Variants in CNMD observed in about 807,000 individuals in gnomAD.
The protein encoded by CNMD is leukocyte cell-derived chemotaxin 1.
Under a neutral mutation model 37.5 loss-of-function variants are expected in CNMD, and 30 were observed. The observed-to-expected ratio is 0.80, with a 90% CI of 0.60 to 1.09. The LOEUF is 1.09. Ranked by LOEUF, CNMD falls within the 50% of genes least tolerant of loss-of-function variation. CNMD has a pLI of 0.00. For synonymous variants in CNMD, 167 were observed against 148.2 expected (o/e 1.13, Z -0.92); for missense variants, 398 against 423.9 (o/e 0.94, Z 0.54).
At chr13:52,726,521 AAAAC>A (rs1964576653) in intron 3 of CNMD, among the ~76,000 whole-genome samples, 1 of 152,092 alleles carries the variant, frequency 6.6e-6, no homozygotes, top group African/African-American at 2.4e-5. Flanking sequence ...AAAAAAAAAA[AAAAC>A]ATACAGAGAC....
chr13:52,727,750 ATC>A (rs1204614902), intron 3 of CNMD, among the ~76,000 whole-genome samples: 1 of 152,188 alleles, frequency 6.6e-6, no homozygotes, highest in South Asian at 2.1e-4. Context: ...AAAAAAGTTG[ATC>A]TCATGGAAGC....
At chr13:52,736,253 C>T (rs970135832) in intron 2 of CNMD, among the ~76,000 whole-genome samples, 5 of 152,216 alleles carry the variant, frequency 3.3e-5, no homozygotes, top group East Asian at 1.9e-4. Flanking sequence ...CTCGGCCTCC[C>T]GAAGTGCTGG....
At chr13:52,725,430 G>GT (rs1555279685) in intron 3 of CNMD, among the ~76,000 whole-genome samples, 5,008 of 148,642 alleles carry the variant, frequency 0.034, 193 homozygotes, top group African/African-American at 0.094. Flanking sequence ...GGACTTAGAT[G>GT]TTTTTTTTTT....
Position 52,736,120 on chromosome 13 carries a change from G to T in CNMD, c.214-2761C>A, listed in dbSNP as rs551136814. Among the ~76,000 whole-genome samples the T allele has an allele frequency of 6.6e-5, 10 of 152,134 alleles. No homozygotes were observed. The South Asian group carries it at 1.7e-3, about 25-fold the overall frequency. On this transcript the variant is annotated intron_variant, in intron 2 of 6. Coordinates refer to ENST00000377962, the MANE Select transcript of CNMD (RefSeq NM_007015.3). ...ACCATTCTCCTGCCTCAGCCTCCCA[G>T]GTAGCTGGGACTGCAGGTGCCCGCC...
Position 52,739,329 on chromosome 13 carries a change from C to T in CNMD, c.73-158G>A. ...ACGGGTGCCCCTTTCGCCGCGCTCC[C>T]TCCCGAGGGTCCTTTGCAGTCGGGC... On this transcript the variant is annotated intron_variant, in intron 1 of 6. Coordinates refer to ENST00000377962, the MANE Select transcript of CNMD (RefSeq NM_007015.3). This position sits in a 1 kb window ranked among gnomAD's most constrained non-coding sequence, Gnocchi z 5.4. 2.3e-6 allele frequency: 2 copies of T among 873,444 alleles called. No homozygotes were observed. Among genetic ancestry groups the T allele is most frequent in the Non-Finnish European group, 3.3e-6 (2 of 600,090 alleles). The allele number at this position is 873,444 out of a possible 1,614,324, so 54.1% of individuals were successfully genotyped here. A position where few individuals can be genotyped will look rare whatever the true frequency, so the allele number is the denominator to read the frequency against.
At chr13:52,714,574 T>C (rs565448624) in intron 4 of CNMD, among the ~76,000 whole-genome samples, 2 of 152,282 alleles carry the variant, frequency 1.3e-5, no homozygotes, top group East Asian at 3.9e-4. Flanking sequence ...TAATGGTATT[T>C]AAAAATAGTT....
chr13:52,736,862 A>G lies in CNMD; in HGVS notation c.213+2169T>C, dbSNP rs556119232. Among the ~76,000 whole-genome samples, 32 of 152,258 alleles carry G rather than the reference A, an allele frequency of 2.1e-4. No individual in the cohort carries two copies. In the South Asian group the frequency reaches 6.2e-3, roughly 30 times the overall value. On this transcript the variant is annotated intron_variant, in intron 2 of 6. Transcript: ENST00000377962. ...ACAGGGTGGGGTTGTCAGTTATCTC[A>G]TATTGGTGGAAATTTCCCATATTTC...
At chr13:52,735,899 G>A (rs900362287) in intron 2 of CNMD, among the ~76,000 whole-genome samples, 2 of 140,962 alleles carry the variant, frequency 1.4e-5, no homozygotes, top group African/African-American at 5.4e-5. Context: ...GCACAATCTC[G>A]ACTCACTGCA....
intron 5 of CNMD, among the ~76,000 whole-genome samples, chr13:52,710,261 G>T (rs998501631): frequency 2.6e-4 from 40 of 152,192 alleles, no homozygotes; most frequent in Non-Finnish European, 5.7e-4. Context: ...ACCTGGATTT[G>T]ATCACAGTTC....
chr13:52,736,566 C>T (rs146947803), intron 2 of CNMD, among the ~76,000 whole-genome samples: 58 of 152,266 alleles, frequency 3.8e-4, no homozygotes, highest in African/African-American at 1.1e-3. Flanking sequence ...GAGCTGGGGA[C>T]GAGGCTGGGC....
chr13:52,732,758 G>A (rs539478117), intron 3 of CNMD, among the ~76,000 whole-genome samples: 14 of 152,172 alleles, frequency 9.2e-5, no homozygotes, highest in Admixed American at 2.6e-4. Flanking sequence ...ACAGAAATCC[G>A]CTTGAAAAGA....
intron 4 of CNMD, among the ~76,000 whole-genome samples, chr13:52,716,141 A>G (rs933369259): frequency 1.5e-4 from 23 of 152,210 alleles, no homozygotes; most frequent in Admixed American, 1.2e-3. Context: ...GGCCACATAA[A>G]TGTCTTCTTT....
chr13:52,722,090 G>A lies in CNMD; in HGVS notation c.468+1907C>T, dbSNP rs561228491. ...ATACTTGGTATAACATACTTGCACC[G>A]AGAAGACGACCTTTGATTCTGAACA... is the stretch of plus-strand genomic sequence containing the variant. On this transcript the variant is annotated intron_variant, in intron 4 of 6. Coordinates refer to ENST00000377962, the MANE Select transcript of CNMD (RefSeq NM_007015.3). Among the ~76,000 whole-genome samples the A allele has an allele frequency of 4.1e-4, 63 of 152,170 alleles. No homozygotes were observed. In the South Asian group the frequency reaches 0.012, roughly 29 times the overall value.
intron 6 of CNMD, among the ~76,000 whole-genome samples, chr13:52,705,103 A>G (rs1331386418): frequency 6.6e-6 from 1 of 152,104 alleles, no homozygotes; most frequent in Non-Finnish European, 1.5e-5. Context: ...AGAGAAAATT[A>G]TAGATTGAAC....
chr13:52,721,491 G>T (rs761749084), intron 4 of CNMD, among the ~76,000 whole-genome samples: 5 of 152,230 alleles, frequency 3.3e-5, no homozygotes, highest in Non-Finnish European at 5.9e-5. Flanking sequence ...ATCTGGGCTG[G>T]AAGGCACTGT....
chr13:52,725,679 A>C (rs1964560407), intron 3 of CNMD, among the ~76,000 whole-genome samples: 1 of 152,216 alleles, frequency 6.6e-6, no homozygotes. Context: ...ATAATAATGG[A>C]GATACTAGCA....
chr13:52,722,754 A>T (rs531549434), intron 4 of CNMD, among the ~76,000 whole-genome samples: 31 of 152,332 alleles, frequency 2.0e-4, no homozygotes, highest in African/African-American at 7.0e-4. Context: ...AGTAAATTTT[A>T]AAAAAATCAA....
chr13:52,738,751 C>G (rs1397578996), intron 2 of CNMD, among the ~76,000 whole-genome samples: 2 of 152,174 alleles, frequency 1.3e-5, no homozygotes, highest in Non-Finnish European at 2.9e-5. Flanking sequence ...CGCGCCACTG[C>G]TTAGTGGGAG....
chr13:52,720,095 T>G (rs764061194), intron 4 of CNMD, among the ~76,000 whole-genome samples: 7 of 152,196 alleles, frequency 4.6e-5, no homozygotes, highest in Non-Finnish European at 1.0e-4. Flanking sequence ...ATCTTGGATA[T>G]CCTTTCTTCC....
Sources: gnomAD v4.1 joint callset for allele counts (sites outside exome capture counted in the v4.1 genomes callset) on GRCh38, gnomAD v4.1.1 for gene constraint, Gnocchi (gnomAD v3.1) non-coding constraint, MANE v1.5 for transcripts, NCBI Gene and HGNC (gene_info 2026-07-23, HGNC 2026-07-21) for gene names.